CADM2: variants seen among roughly 807,000 people sequenced by gnomAD.
The protein encoded by CADM2 is immunoglobulin superfamily member 4D.
Under a neutral mutation model 49.8 loss-of-function variants are expected in CADM2, and 12 were observed. The ratio of observed to expected loss-of-function variants is 0.24; its 90% confidence interval spans 0.15 to 0.39. CADM2 has a LOEUF of 0.39. CADM2 is among the 10% of genes least tolerant of loss of function. The probability of loss-of-function intolerance (pLI) is 1.00; values close to 1 mark genes in which losing one functional copy is unlikely to be tolerated. For synonymous variants in CADM2, 214 were observed against 175.4 expected (o/e 1.22, Z -1.74); for missense variants, 378 against 492.3 (o/e 0.77, Z 2.20).
At chr3:85,944,276 T>C (rs1003392773) in intron 7 of CADM2, among the ~76,000 whole-genome samples, 2 of 151,920 alleles carry the variant, frequency 1.3e-5, no homozygotes, top group Admixed American at 6.6e-5. Flanking sequence ...ATAAAGCAAA[T>C]CCTTAGAGAC....
intron 1 of CADM2, among the ~76,000 whole-genome samples, chr3:85,568,448 T>TTTCTTTCTTTCTTTCTTTCTTTCTTTCA (rs1559915884): frequency 2.9e-5 from 1 of 34,580 alleles, no homozygotes. Context: ...TCTTTCTTTC[T>TTTCTTTCTTTCTTTCTTTCTTTCTTTCA]TTCTTTCTTT....
chr3:85,591,371 A>C (rs1190613990), intron 1 of CADM2, among the ~76,000 whole-genome samples: 1 of 152,004 alleles, frequency 6.6e-6, no homozygotes, highest in Non-Finnish European at 1.5e-5. Flanking sequence ...ATGCTAAAAT[A>C]ATTTACATTC....
At chr3:85,292,085 T>C (rs1392439916) in intron 1 of CADM2, among the ~76,000 whole-genome samples, 1 of 149,146 alleles carries the variant, frequency 6.7e-6, no homozygotes, top group African/African-American at 2.5e-5. Context: ...AATAAAAGGA[T>C]GGAGGAAGAT....
chr3:85,375,645 C>G (rs1169420814), intron 1 of CADM2, among the ~76,000 whole-genome samples: 1 of 152,062 alleles, frequency 6.6e-6, no homozygotes, highest in Non-Finnish European at 1.5e-5. Context: ...TTGAAAATGC[C>G]AACACGAACA....
At chr3:85,324,510 G>C (rs533138565) in intron 1 of CADM2, among the ~76,000 whole-genome samples, 63 of 152,158 alleles carry the variant, frequency 4.1e-4, no homozygotes, top group Admixed American at 1.6e-3. Context: ...CAACTCACCA[G>C]ACATACTAGT....
At chr3:84,998,348 T>C (rs1445224417) in intron 1 of CADM2, among the ~76,000 whole-genome samples, 1 of 152,134 alleles carries the variant, frequency 6.6e-6, no homozygotes, top group Non-Finnish European at 1.5e-5. Flanking sequence ...CCAGTTTTAA[T>C]ATAGCAAATA....
chr3:85,849,837 T>G (rs1435557574), intron 3 of CADM2, among the ~76,000 whole-genome samples: 2 of 152,166 alleles, frequency 1.3e-5, no homozygotes, highest in Non-Finnish European at 2.9e-5. Context: ...ATAAATTAGA[T>G]GTAGTGCTTC....
At chr3:85,508,809 C>G (rs1286277705) in intron 1 of CADM2, among the ~76,000 whole-genome samples, 1 of 148,816 alleles carries the variant, frequency 6.7e-6, no homozygotes, top group Non-Finnish European at 1.5e-5. Flanking sequence ...CGAAGAGCCT[C>G]ATCCTGAAAG....
At chr3:85,933,189 A>G (rs964417803) in intron 6 of CADM2, among the ~76,000 whole-genome samples, 1 of 152,086 alleles carries the variant, frequency 6.6e-6, no homozygotes, top group African/African-American at 2.4e-5. Context: ...AAAAGTGCCT[A>G]GGAAATAACA....
At chr3:85,213,628 A>G (rs1332416776) in intron 1 of CADM2, among the ~76,000 whole-genome samples, 2 of 151,960 alleles carry the variant, frequency 1.3e-5, no homozygotes, top group Non-Finnish European at 2.9e-5. Flanking sequence ...CATCTATTCG[A>G]TATTTATTTC....
At chr3:85,410,700 A>T (rs1458234581) in intron 1 of CADM2, among the ~76,000 whole-genome samples, 1 of 152,198 alleles carries the variant, frequency 6.6e-6, no homozygotes, top group Non-Finnish European at 1.5e-5. Flanking sequence ...GGCTAAAGGC[A>T]ATTTGGAGTG....
intron 1 of CADM2, among the ~76,000 whole-genome samples, chr3:85,635,158 G>A (rs779007318): frequency 4.6e-5 from 7 of 152,020 alleles, no homozygotes; most frequent in Admixed American, 1.3e-4. Context: ...AACCTCCATT[G>A]CTATATTTCT....
chr3:85,997,111 G>T (rs781713800), intron 8 of CADM2, among the ~76,000 whole-genome samples: 1 of 152,118 alleles, frequency 6.6e-6, no homozygotes, highest in Admixed American at 6.5e-5. Context: ...GTGCAGTTTG[G>T]CTCTAAAATG....
At chr3:85,099,556 A>G (rs934309925) in intron 1 of CADM2, among the ~76,000 whole-genome samples, 23 of 149,336 alleles carry the variant, frequency 1.5e-4, no homozygotes, top group African/African-American at 5.5e-4. Context: ...TGCAACTTCC[A>G]TCTCTCGGGT....
chr3:85,119,307 C>A (rs529333233), intron 1 of CADM2, among the ~76,000 whole-genome samples: 1 of 151,994 alleles, frequency 6.6e-6, no homozygotes, highest in African/African-American at 2.4e-5. Context: ...TACCCCGGAG[C>A]CTGAGGTGGC....
chr3:85,835,043 C>G (rs1309873400), intron 3 of CADM2, among the ~76,000 whole-genome samples: 1 of 151,586 alleles, frequency 6.6e-6, no homozygotes, highest in Non-Finnish European at 1.5e-5. Flanking sequence ...ATGACGGTCT[C>G]TTGATCCACT....
intron 3 of CADM2, among the ~76,000 whole-genome samples, chr3:85,843,897 T>C (rs9828595): frequency 1.3e-5 from 2 of 150,676 alleles, no homozygotes; most frequent in African/African-American, 4.9e-5. Context: ...TATGTGTGTG[T>C]GGGGGGGGAG....
intron 1 of CADM2, among the ~76,000 whole-genome samples, chr3:85,540,260 T>C (rs2061509764): frequency 6.6e-6 from 1 of 152,124 alleles, no homozygotes; most frequent in South Asian, 2.1e-4. Context: ...TAAATCTCTT[T>C]TAATTACCAA....
At chr3:85,872,557 C>G (rs754715539) in intron 3 of CADM2, among the ~76,000 whole-genome samples, 1 of 151,438 alleles carries the variant, frequency 6.6e-6, no homozygotes, top group African/African-American at 2.4e-5. Flanking sequence ...CTTTCATTTG[C>G]CCCAGGAGTT....
Sources: gnomAD v4.1 joint callset for allele counts (sites outside exome capture counted in the v4.1 genomes callset) on GRCh38, gnomAD v4.1.1 for gene constraint, MANE v1.5 for transcripts, NCBI Gene and HGNC (gene_info 2026-07-23, HGNC 2026-07-21) for gene names.